Variants in SCAF8 observed in about 807,000 individuals in gnomAD.
SCAF8 encodes the protein SR-related CTD associated factor 8.
In SCAF8, 23 loss-of-function variants were observed where a neutral mutation model predicts 140.5. The observed-to-expected ratio is 0.16, with a 90% CI of 0.12 to 0.23. The LOEUF (loss-of-function observed/expected upper bound fraction) is 0.23. SCAF8 is among the 10% of genes least tolerant of loss of function. The probability of loss-of-function intolerance (pLI) is 1.00; values close to 1 mark genes in which losing one functional copy is unlikely to be tolerated. For synonymous variants in SCAF8, 575 were observed against 528.9 expected, an observed-to-expected ratio of 1.09 and a Z score of -1.20; for missense variants, 1,397 against 1,555.7, an observed-to-expected ratio of 0.90 and a Z score of 1.72.
At chr6:154,766,814 T>C (rs950595236) in intron 1 of SCAF8, among the ~76,000 whole-genome samples, 2 of 152,124 alleles carry the variant, frequency 1.3e-5, no homozygotes, top group Non-Finnish European at 2.9e-5. Flanking sequence ...TTCAAAGCTT[T>C]TTTTGTGGCA....
Position 154,832,754 on chromosome 6 carries a change from C to A in SCAF8, c.3175C>A (p.His1059Asn), listed in dbSNP as rs1778786575. The change falls in exon 20 of 20, where the codon CAT becomes AAT. Residue 1059 changes from histidine (H) to asparagine (N), a missense_variant. Coordinates refer to ENST00000367178, the MANE Select transcript of SCAF8 (RefSeq NM_014892.5). Reference sequence around the variant, plus strand: ...ACGGCCTCCACTAGATGGTAGGGATCATTTTGGAAGACCTCCTGTAGATAT... The same window carrying A: ...ACGGCCTCCACTAGATGGTAGGGATAATTTTGGAAGACCTCCTGTAGATAT... ...PGRPPLDGRD[H>N]FGRPPVDIRE... 1 of 1,613,762 alleles carries A rather than the reference C, an allele frequency of 6.2e-7. No individual in the cohort carries two copies. Among genetic ancestry groups the A allele is most frequent in the African/African-American group, 1.3e-5 (1 of 74,808 alleles).
intron 1 of SCAF8, among the ~76,000 whole-genome samples, chr6:154,748,194 A>G (rs758588607): frequency 6.6e-6 from 1 of 152,208 alleles, no homozygotes; most frequent in Non-Finnish European, 1.5e-5. Flanking sequence ...ACAATAAAAT[A>G]AAACTGCACT....
intron 9 of SCAF8, 142 bp downstream of exon 9, chr6:154,805,628 A>G (rs1453885402): frequency 7.2e-6 from 3 of 419,090 alleles, no homozygotes; most frequent in Admixed American, 4.3e-5. Flanking sequence ...CAGCTACTTT[A>G]TTTCTTTCTA....
chr6:154,808,640 T>G, intron 10 of SCAF8, 46 bp from the exon 11 acceptor site: 1 of 1,196,730 alleles, frequency 8.4e-7, no homozygotes, highest in Non-Finnish European at 1.2e-6. Flanking sequence ...TATAACTCTG[T>G]CTCAACCAGC....
chr6:154,825,043 C>T (rs1022584913), intron 17 of SCAF8: 5 of 151,914 alleles, frequency 3.3e-5, no homozygotes. Flanking sequence ...TAATAATTAT[C>T]AGCATTTCAT....
chr6:154,791,974 T>C (rs3800005), intron 4 of SCAF8, among the ~76,000 whole-genome samples: 72,429 of 151,714 alleles, frequency 0.48, 18,134 homozygotes, highest in East Asian at 0.9. Context: ...GTCAAAAGTC[T>C]GCTTGCCAGT....
intron 1 of SCAF8, among the ~76,000 whole-genome samples, chr6:154,743,242 T>C (rs1198789349): frequency 1.3e-5 from 2 of 152,236 alleles, no homozygotes; most frequent in African/African-American, 4.8e-5. Flanking sequence ...CTTAGTTAAA[T>C]GATTTTTCAA....
At chr6:154,759,609 T>C (rs914798865) in intron 1 of SCAF8, among the ~76,000 whole-genome samples, 5 of 151,978 alleles carry the variant, frequency 3.3e-5, no homozygotes, top group Non-Finnish European at 7.4e-5. Flanking sequence ...AAATTATTTA[T>C]TTTTATTCAT....
intron 1 of SCAF8, among the ~76,000 whole-genome samples, chr6:154,743,436 C>G (rs1778622106): frequency 6.6e-6 from 1 of 152,148 alleles, no homozygotes; most frequent in Non-Finnish European, 1.5e-5. Flanking sequence ...AGCAACTATT[C>G]TTAAGTGGAG....
chr6:154,793,905 G>GTGTGTGTGTA (rs78187581), intron 5 of SCAF8, among the ~76,000 whole-genome samples: 13 of 149,424 alleles, frequency 8.7e-5, no homozygotes, highest in East Asian at 3.9e-4. Flanking sequence ...TGTATTTTGT[G>GTGTGTGTGTA]TGTGTGTGTG....
chr6:154,826,379 A>C (rs1027569704), intron 17 of SCAF8, among the ~76,000 whole-genome samples: 2 of 152,134 alleles, frequency 1.3e-5, no homozygotes, highest in African/African-American at 4.8e-5. Context: ...CAAAAGGTAT[A>C]TTTTATTAAA....
Position 154,778,099 on chromosome 6 carries a change from T to C in SCAF8, c.159+54T>C. ...TGTAATTGTAGATTAATGCCTGTAC[T>C]CTTCTCCTTTAGATCAAATACCCAA... On this transcript the variant is annotated intron_variant, in intron 3 of 19. Transcript: ENST00000367178. 7.1e-6 allele frequency: 7 copies of C among 990,952 alleles called. No homozygotes were observed. In the South Asian group the frequency reaches 8.6e-5, roughly 12 times the overall value. The allele number at this position is 990,952 out of a possible 1,614,324, so 61.4% of individuals were successfully genotyped here. A position where few individuals can be genotyped will look rare whatever the true frequency, so the allele number is the denominator to read the frequency against.
intron 18 of SCAF8, 128 bp from the exon 19 acceptor site, chr6:154,830,794 C>G: frequency 1.7e-6 from 1 of 578,224 alleles, no homozygotes; most frequent in Non-Finnish European, 3.0e-6. Flanking sequence ...GTCATTTGAG[C>G]ATTGGTTATT....
intron 18 of SCAF8, among the ~76,000 whole-genome samples, chr6:154,828,736 C>T (rs1283370808): frequency 6.6e-6 from 1 of 152,028 alleles, no homozygotes; most frequent in Admixed American, 6.6e-5. Context: ...TCTCATTTTG[C>T]TCTTGGGTTT....
chr6:154,758,369 T>C (rs1779018178), intron 1 of SCAF8, among the ~76,000 whole-genome samples: 1 of 152,172 alleles, frequency 6.6e-6, no homozygotes, highest in African/African-American at 2.4e-5. Flanking sequence ...CCAGTGTCAG[T>C]TCAGTTCTCA....
chr6:154,764,918 G>T (rs903069738), intron 1 of SCAF8, among the ~76,000 whole-genome samples: 1 of 152,150 alleles, frequency 6.6e-6, no homozygotes, highest in African/African-American at 2.4e-5. Context: ...ATTAGAATGA[G>T]AATTGGAATG....
At chr6:154,795,668 T>G (rs1777580408) in intron 6 of SCAF8, among the ~76,000 whole-genome samples, 1 of 152,134 alleles carries the variant, frequency 6.6e-6, no homozygotes, top group Admixed American at 6.6e-5. Context: ...GAAATAGAAT[T>G]GCAAGTATAG....
intron 18 of SCAF8, 72 bp downstream of exon 18, chr6:154,827,312 G>A (rs1311019193): frequency 8.5e-6 from 8 of 942,430 alleles, no homozygotes; most frequent in East Asian, 2.6e-5. Flanking sequence ...TCTCATTCTT[G>A]TGAATTACCG....
chr6:154,799,400 A>G (rs967244041), intron 6 of SCAF8, among the ~76,000 whole-genome samples: 7 of 151,296 alleles, frequency 4.6e-5, no homozygotes, highest in Admixed American at 2.6e-4. Flanking sequence ...GGCACAAGCC[A>G]TCGTGCCTGC....
Sources: gnomAD v4.1 joint callset for allele counts (sites outside exome capture counted in the v4.1 genomes callset) on GRCh38, gnomAD v4.1.1 for gene constraint, MANE v1.5 for transcripts, NCBI Gene and HGNC (gene_info 2026-07-23, HGNC 2026-07-21) for gene names.